ARHGEF18: variants seen among roughly 807,000 people sequenced by gnomAD.
ARHGEF18 encodes Rho/Rac guanine nucleotide exchange factor 18, also known as rho guanine nucleotide exchange factor 18.
Under a neutral mutation model 155.7 loss-of-function variants are expected in ARHGEF18, and 93 were observed. The observed-to-expected ratio is 0.60, with a 90% CI of 0.50 to 0.71. The LOEUF (loss-of-function observed/expected upper bound fraction) is 0.71. Ranked by LOEUF, ARHGEF18 falls within the 30% of genes least tolerant of loss-of-function variation. ARHGEF18 has a pLI of 0.00. For synonymous variants in ARHGEF18, 742 were observed against 753.1 expected, an observed-to-expected ratio of 0.99 and a Z score of 0.24; for missense variants, 1,593 against 1,816.1, an observed-to-expected ratio of 0.88 and a Z score of 2.23.
Position 7,408,173 on chromosome 19 carries a change from G to A in ARHGEF18, c.967+24970G>A, listed in dbSNP as rs114752406. On this transcript the variant is annotated intron_variant, in intron 10 of 28. Coordinates refer to ENST00000668164, the MANE Select transcript of ARHGEF18 (RefSeq NM_001367823.1). ...TTATGCCTATAATCCCAGCTACTTG[G>A]GGGGTGAGACAGGAGAATTGCTTGA... 8.7e-3 allele frequency among the ~76,000 whole-genome samples: 1,321 copies of A among 152,142 alleles called. 16 individuals carry two copies. The highest frequency in any genetic ancestry group is 0.017 in the African/African-American group (699 of 41,488).
intron 10 of ARHGEF18, among the ~76,000 whole-genome samples, chr19:7,406,404 G>T (rs1374221282): frequency 6.6e-6 from 1 of 152,140 alleles, no homozygotes; most frequent in Non-Finnish European, 1.5e-5. Context: ...TTTTTGAAAA[G>T]CTTCTAAATC....
At chr19:7,419,548 C>A (rs947575337) in intron 10 of ARHGEF18, among the ~76,000 whole-genome samples, 4 of 152,108 alleles carry the variant, frequency 2.6e-5, no homozygotes, top group Admixed American at 2.6e-4. Context: ...CTCTCCCTAC[C>A]CTTGCCTGCT....
chr19:7,355,855 C>A lies in ARHGEF18; in HGVS notation c.-111+6614C>A, dbSNP rs897688237. Among the ~76,000 whole-genome samples the A allele has an allele frequency of 5.3e-5, 8 of 152,276 alleles. 1 individual carries two copies. Among genetic ancestry groups the A allele is most frequent in the African/African-American group, 1.9e-4 (8 of 41,574 alleles). On this transcript the variant is annotated intron_variant, in intron 1 of 28. Transcript: ENST00000668164. ...TTCCATGACCCCTGATTCTCCAGGG[C>A]CCCCTGGAATTATCACAGACTTGTG...
At chr19:7,375,435 G>A (rs1211701586) in intron 3 of ARHGEF18, among the ~76,000 whole-genome samples, 11 of 151,306 alleles carry the variant, frequency 7.3e-5, no homozygotes, top group Admixed American at 7.3e-4. Flanking sequence ...AAGGAAGGAA[G>A]AAAAGAAAAG....
chr19:7,356,204 T>A (rs1471624488), intron 1 of ARHGEF18, among the ~76,000 whole-genome samples: 1 of 151,844 alleles, frequency 6.6e-6, no homozygotes, highest in Non-Finnish European at 1.5e-5. Context: ...CTCTGGGGAC[T>A]GATAACAGCC....
At chr19:7,428,460 A>G (rs1425639991) in intron 10 of ARHGEF18, among the ~76,000 whole-genome samples, 2 of 152,070 alleles carry the variant, frequency 1.3e-5, no homozygotes, top group Non-Finnish European at 2.9e-5. Context: ...TGGTGCGATC[A>G]TAGCTCACTG....
chr19:7,424,459 C>T (rs1366323725), intron 10 of ARHGEF18, among the ~76,000 whole-genome samples: 2 of 152,164 alleles, frequency 1.3e-5, no homozygotes, highest in African/African-American at 2.4e-5. Flanking sequence ...TCTCGTCTCA[C>T]GGAGGCTCTT....
Position 7,383,295 on chromosome 19 carries a change from G to A in ARHGEF18, c.967+92G>A, listed in dbSNP as rs533774833. On this transcript the variant is annotated intron_variant, in intron 10 of 28. Coordinates refer to ENST00000668164, the MANE Select transcript of ARHGEF18 (RefSeq NM_001367823.1). ...TCATACTCCTGGGGTCTCTTTTGAT[G>A]TGTGCATCCTCGTTCTGTTTTGCCC... 1.2e-4 allele frequency: 142 copies of A among 1,216,706 alleles called. No homozygotes were observed. In the African/African-American group the frequency reaches 1.5e-3, roughly 13 times the overall value. 75.4% of individuals were successfully genotyped at this position (1,216,706 alleles called of 1,614,324 possible).
At chr19:7,451,535 C>A (rs1467239877) in intron 16 of ARHGEF18, among the ~76,000 whole-genome samples, 1 of 151,678 alleles carries the variant, frequency 6.6e-6, no homozygotes. Context: ...CTCAGCCTCC[C>A]AAGCACCTGG....
chr19:7,410,809 CA>C (rs58022667), intron 10 of ARHGEF18, among the ~76,000 whole-genome samples: 14,222 of 81,972 alleles, frequency 0.17, 1,627 homozygotes, highest in African/African-American at 0.43. Flanking sequence ...GACTCCATCT[CA>C]AAAAAAAAAA....
chr19:7,419,209 G>A (rs1449316158), intron 10 of ARHGEF18, among the ~76,000 whole-genome samples: 6 of 105,452 alleles, frequency 5.7e-5, no homozygotes, highest in East Asian at 3.5e-4. Context: ...TCTGTACCCC[G>A]ATGTACCCAC....
At chr19:7,464,463 G>T (rs1156602470) in intron 22 of ARHGEF18, 97 bp from the exon 23 acceptor site, 2 of 1,474,166 alleles carry the variant, frequency 1.4e-6, no homozygotes, top group South Asian at 1.3e-5. Flanking sequence ...GGCCTAGCCT[G>T]GGTTTCCTAC....
At chr19:7,385,825 CT>C (rs1970987630) in intron 10 of ARHGEF18, among the ~76,000 whole-genome samples, 2 of 116,158 alleles carry the variant, frequency 1.7e-5, no homozygotes, top group Admixed American at 7.9e-5. Context: ...TAGGATCTAT[CT>C]CTCTCTATCT....
chr19:7,429,126 G>T (rs1973820144), intron 10 of ARHGEF18, among the ~76,000 whole-genome samples: 1 of 82,746 alleles, frequency 1.2e-5, no homozygotes, highest in South Asian at 4.8e-4. Flanking sequence ...GGGCTCTGAG[G>T]CTCCCCCCTG....
At chr19:7,378,322 G>A in intron 5 of ARHGEF18, 72 bp from the exon 6 acceptor site, 1 of 1,169,922 alleles carries the variant, frequency 8.5e-7, no homozygotes, top group Non-Finnish European at 1.1e-6. Flanking sequence ...GCATCCGGGA[G>A]GGCTCTGCTG....
rs138914989 is a variant in ARHGEF18 at position 7,417,948 on chromosome 19, A to G, written c.968-22396A>G. ...GTGGGCAGCATAAGGTCTCTGGTGCATATTTTTGCTCTACCAAAGGAGGTG... is the reference window on the plus strand; with the variant it reads ...GTGGGCAGCATAAGGTCTCTGGTGCGTATTTTTGCTCTACCAAAGGAGGTG... On this transcript the variant is annotated intron_variant, in intron 10 of 28. Coordinates refer to ENST00000668164, the MANE Select transcript of ARHGEF18 (RefSeq NM_001367823.1). Among the ~76,000 whole-genome samples the G allele has an allele frequency of 7.2e-3, 1,103 of 152,314 alleles. 8 individuals carry two copies. Among genetic ancestry groups the G allele is most frequent in the African/African-American group, 0.025 (1,057 of 41,562 alleles).
rs533907501 is a variant in ARHGEF18 at position 7,472,418 on chromosome 19, A to G, written c.*2120A>G. 3 of 155,512 alleles carry G rather than the reference A, an allele frequency of 1.9e-5. No homozygotes were observed. In the South Asian group the frequency reaches 5.9e-4, roughly 30 times the overall value. 9.6% of individuals were successfully genotyped at this position (155,512 alleles called of 1,614,324 possible). ...GATTACAACATTTCCTCACTGCGGG[A>G]TATTTCTGACCCGCTTTAGAACTTA... On this transcript the variant is annotated 3_prime_UTR_variant, in exon 29 of 29. Transcript: ENST00000668164.
rs1191035713 is a variant in ARHGEF18 at position 7,395,110 on chromosome 19, C to T, written c.967+11907C>T. 9 of 985,426 alleles carry T rather than the reference C, an allele frequency of 9.1e-6. No individual in the cohort carries two copies. Among genetic ancestry groups the T allele is most frequent in the Non-Finnish European group, 1.1e-5 (9 of 830,002 alleles). 61.0% of individuals were successfully genotyped at this position (985,426 alleles called of 1,614,324 possible). On this transcript the variant is annotated intron_variant, in intron 10 of 28. Coordinates refer to ENST00000668164, the MANE Select transcript of ARHGEF18 (RefSeq NM_001367823.1). The surrounding 1 kb of genome is among the most constrained non-coding windows in gnomAD (Gnocchi z 5.0). ...GAGGCGGGATCGCGCATGCGCTGCT[C>T]TCCTCGCGCGGCTTCCCGCTTCCGG...
At position 7,410,177 on chromosome 19, in the gene ARHGEF18, C is replaced by T. The variant is rs534891130; in HGVS notation, c.967+26974C>T. On this transcript the variant is annotated intron_variant, in intron 10 of 28. Transcript: ENST00000668164. ...CAGTGCCCTTGAATACTTTCCCCGC[C>T]CATTGAAGGCAAACAGGGTTTTTTC... Among the ~76,000 whole-genome samples the T allele has an allele frequency of 2.6e-5, 4 of 152,142 alleles. No individual in the cohort carries two copies. In the East Asian group the frequency reaches 7.7e-4, roughly 29 times the overall value.
Sources: allele counts gnomAD v4.1 joint callset (sites outside exome capture counted in the v4.1 genomes callset), GRCh38; gene constraint gnomAD v4.1.1; non-coding constraint Gnocchi (gnomAD v3.1); transcripts MANE v1.5; gene names NCBI Gene and HGNC (gene_info 2026-07-23, HGNC 2026-07-21).